The following HSPD1 variants were observed in gnomAD, a reference collection of about 807,000 sequenced individuals.
The protein encoded by HSPD1 is heat shock protein family D (Hsp60) member 1.
A neutral mutation model predicts 53.0 loss-of-function variants in HSPD1; 3 were observed. That is an observed-to-expected ratio of 0.06 (90% confidence interval 0.03 to 0.15). The LOEUF is 0.15. Among genes scored for constraint, HSPD1 ranks in the 10% least tolerant of loss-of-function variants. The pLI is 1.00. For synonymous variants in HSPD1, 200 were observed against 228.0 expected, an observed-to-expected ratio of 0.88 and a Z score of 1.10; for missense variants, 431 against 694.1, an observed-to-expected ratio of 0.62 and a Z score of 4.26.
At chr2:197,496,453 C>T (rs551227877) in intron 3 of HSPD1, among the ~76,000 whole-genome samples, 2 of 152,164 alleles carry the variant, frequency 1.3e-5, no homozygotes, top group South Asian at 2.1e-4. Flanking sequence ...ACCAATAGCT[C>T]CCCCCACCTT....
Position 197,498,688 on chromosome 2 carries a change from G to T in HSPD1, c.161C>A (p.Thr54Lys). ...VDLLADAVAV[T>K]MGPKGRTVII... ...AAATACTGGTACCTTTGGCCCCATT[G>T]TAACGGCCACAGCATCGGCTAAAAG... is the stretch of plus-strand genomic sequence containing the variant. The change falls in exon 2 of 12, where the codon ACA becomes AAA. Residue 54 changes from threonine (T) to lysine (K), a missense_variant. Thr to Lys is a moderately conservative substitution (Grantham distance 78). Around this residue, in one of 2 missense-constraint regions of HSPD1, gnomAD observed 386 missense variants for 657.6 expected, o/e 0.59. Coordinates refer to ENST00000388968, the MANE Select transcript of HSPD1 (RefSeq NM_002156.5). The T allele has an allele frequency of 2.5e-6, 4 of 1,613,952 alleles. No homozygotes were observed. The highest frequency in any genetic ancestry group is 3.4e-6 in the Non-Finnish European group (4 of 1,179,884).
upstream of HSPD1, chr2:197,500,100 T>G (rs2086228122): frequency 2.5e-6 from 1 of 392,264 alleles, no homozygotes; most frequent in Non-Finnish European, 4.7e-6. Flanking sequence ...CCGCGCTCCC[T>G]ACGGCTCAAG....
intron 7 of HSPD1, among the ~76,000 whole-genome samples, chr2:197,492,178 G>A (rs2086101515): frequency 6.6e-6 from 1 of 152,046 alleles, no homozygotes; most frequent in African/African-American, 2.4e-5. Context: ...ATTCGATGGT[G>A]AAATACACTT....
chr2:197,497,028 G>A (rs1022257883), intron 3 of HSPD1, 112 bp downstream of exon 3: 6 of 1,082,202 alleles, frequency 5.5e-6, no homozygotes, highest in Non-Finnish European at 8.5e-6. Flanking sequence ...CCAAGAGGAG[G>A]AATGAGAGAA....
intron 4 of HSPD1, 150 bp from the exon 5 acceptor site, chr2:197,494,902 G>A (rs1238947805): frequency 2.5e-5 from 17 of 679,450 alleles, no homozygotes; most frequent in East Asian, 1.9e-4. Flanking sequence ...ATGAAGTACT[G>A]GTTCTTTGCT....
intron 2 of HSPD1, among the ~76,000 whole-genome samples, chr2:197,498,369 G>A (rs755891100): frequency 4.6e-5 from 7 of 152,190 alleles, no homozygotes; most frequent in Non-Finnish European, 7.3e-5. Context: ...ACTGGGAAAG[G>A]ATCCAAATTT....
rs759811128 is a variant in HSPD1 at position 197,494,723 on chromosome 2, T to C, written c.540A>G (p.Lys180=). The C allele has an allele frequency of 3.1e-6, 5 of 1,613,052 alleles. No homozygotes were observed. The highest frequency in any genetic ancestry group is 4.2e-6 in the Non-Finnish European group (5 of 1,179,084). The change falls in exon 5 of 12, where the codon AAA becomes AAG. Residue 180 remains lysine (K), a synonymous_variant. Coordinates refer to ENST00000388968, the MANE Select transcript of HSPD1 (RefSeq NM_002156.5). The part of the protein sequence containing the change: ...QVATISANGD[K]EIGNIISDAM... ...CATCAGAGATGATATTGCCAATTTC[T>C]TTGTCTCCGTTTGCAGAAATCGTAG...
intron 2 of HSPD1, 110 bp downstream of exon 2, chr2:197,498,565 G>A (rs1331916386): frequency 9.2e-6 from 9 of 982,194 alleles, no homozygotes; most frequent in African/African-American, 6.5e-5. Flanking sequence ...TGTAAACTGA[G>A]TTCTCTCAAA....
Position 197,494,208 on chromosome 2 carries a change from T to C in HSPD1, c.649A>G (p.Met217Val). ...LNDELEIIEG[M>V]KFDRGYISPY... ...GAAATATAGCCTCGATCAAACTTCA[T>C]GCCTTCAATAATTTCTAATTCATCA... Residue 217 changes from methionine (M) to valine (V), a missense_variant, in exon 6 of 12, where the codon ATG becomes GTG. Met to Val is a conservative substitution (Grantham distance 21, BLOSUM62 1). Coordinates refer to ENST00000388968, the MANE Select transcript of HSPD1 (RefSeq NM_002156.5). The C allele has an allele frequency of 1.9e-6, 3 of 1,565,104 alleles. No individual in the cohort carries two copies. The highest frequency in any genetic ancestry group is 2.7e-5 in the African/African-American group (2 of 74,124).
At chr2:197,496,973 C>T in intron 3 of HSPD1, 167 bp downstream of exon 3, 1 of 704,642 alleles carries the variant, frequency 1.4e-6, no homozygotes, top group Non-Finnish European at 2.5e-6. Flanking sequence ...ACCCACCATA[C>T]AGCCAAGCTT....
intron 1 of HSPD1, chr2:197,499,309 C>G (rs2086205904): frequency 8.9e-6 from 2 of 223,718 alleles, no homozygotes; most frequent in South Asian, 1.1e-4. Flanking sequence ...CCCAAGGCTA[C>G]TGTATCAGAG....
intron 8 of HSPD1, 29 bp downstream of exon 8, chr2:197,490,168 C>T (rs767298637): frequency 7.0e-7 from 1 of 1,423,796 alleles, no homozygotes; most frequent in East Asian, 2.3e-5. Flanking sequence ...AAACATTCAG[C>T]AAACCATTAT....
chr2:197,487,802 G>A lies in HSPD1; in HGVS notation c.1569+56C>T, dbSNP rs1248423200. 8 of 1,410,760 alleles carry A rather than the reference G, an allele frequency of 5.7e-6. No individual in the cohort carries two copies. The East Asian group carries it at 6.8e-5, about 12-fold the overall frequency. 87.4% of individuals were successfully genotyped at this position (1,410,760 alleles called of 1,614,324 possible). A position where few individuals can be genotyped will look rare whatever the true frequency, so the allele number is the denominator to read the frequency against. On this transcript the variant is annotated intron_variant, in intron 11 of 11. Transcript: ENST00000388968. The stretch of plus-strand genomic sequence containing the variant: ...CAAAATCAAAGATTTGGGATGTGAG[G>A]ATACATTAACAAAATGAACAACAAA...
intron 11 of HSPD1, among the ~76,000 whole-genome samples, chr2:197,487,512 G>A (rs954238403): frequency 5.9e-5 from 9 of 152,266 alleles, no homozygotes; most frequent in Non-Finnish European, 1.0e-4. Context: ...CAGCCTGGGC[G>A]ACACAGCGAC....
chr2:197,497,431 A>T, intron 2 of HSPD1, 39 bp from the exon 3 acceptor site: 1 of 1,602,508 alleles, frequency 6.2e-7, no homozygotes, highest in Non-Finnish European at 8.5e-7. Context: ...ACATACCCTA[A>T]GGATGATTTA....
Position 197,489,195 on chromosome 2 carries a change from T to C in HSPD1, c.1022A>G (p.Asp341Gly). 4 of 1,614,128 alleles carry C rather than the reference T, an allele frequency of 2.5e-6. No homozygotes were observed. Among genetic ancestry groups the C allele is most frequent in the Non-Finnish European group, 3.4e-6 (4 of 1,179,966 alleles). ...TLNLEDVQPH[D>G]LGKVGEVIVT... ...AATGACCTCTCCAACTTTTCCTAAG[T>C]CATGAGGCTGAACGTCTTCAAGATT... Residue 341 changes from aspartate to glycine, a missense_variant, in exon 9 of 12, where the codon GAC becomes GGC. Physicochemically the swap from Asp to Gly is moderately conservative, Grantham distance 94. This residue lies in a region of HSPD1 where 386 missense variants were observed against 657.6 expected (regional missense o/e 0.59). Transcript: ENST00000388968.
chr2:197,497,526 G>T, intron 2 of HSPD1, 134 bp from the exon 3 acceptor site: 1 of 870,452 alleles, frequency 1.1e-6, no homozygotes, highest in Non-Finnish European at 1.9e-6. Flanking sequence ...CAGTCTTGCA[G>T]CATGAACCTC....
At chr2:197,496,512 C>T (rs571279321) in intron 3 of HSPD1, among the ~76,000 whole-genome samples, 9 of 152,280 alleles carry the variant, frequency 5.9e-5, no homozygotes, top group Admixed American at 5.2e-4. Flanking sequence ...CCTAGATATA[C>T]ATAGCAATTC....
Position 197,493,188 on chromosome 2 carries a change from T to G in HSPD1, c.869+136A>C, listed in dbSNP as rs897074723. The G allele has an allele frequency of 2.3e-5, 18 of 794,070 alleles. No individual in the cohort carries two copies. In the African/African-American group the frequency reaches 2.7e-4, roughly 12 times the overall value. 49.2% of individuals were successfully genotyped at this position (794,070 alleles called of 1,614,324 possible). Reference sequence around the variant, plus strand: ...AGGATACATTAGAGCACACCTGATTTACACAATTACAATTCTAGATACAAA... The same window carrying G: ...AGGATACATTAGAGCACACCTGATTGACACAATTACAATTCTAGATACAAA... On this transcript the variant is annotated intron_variant, in intron 7 of 11. Transcript: ENST00000388968.
Sources: gnomAD v4.1 joint callset for allele counts (sites outside exome capture counted in the v4.1 genomes callset) on GRCh38, gnomAD v4.1.1 for gene constraint, gnomAD v4.1.1 regional missense constraint, MANE v1.5 for transcripts, NCBI Gene and HGNC (gene_info 2026-07-23, HGNC 2026-07-21) for gene names.